C3orf52: variants seen among roughly 807,000 people sequenced by gnomAD.
C3orf52 encodes the protein chromosome 3 open reading frame 52.
Under a neutral mutation model 24.8 loss-of-function variants are expected in C3orf52, and 22 were observed. The ratio of observed to expected loss-of-function variants is 0.89; its 90% CI spans 0.63 to 1.27. The LOEUF is 1.27. Ranked by LOEUF, C3orf52 falls within the 50% of genes most tolerant of loss-of-function variation. C3orf52 has a pLI of 0.00. For synonymous variants in C3orf52, 93 were observed against 100.2 expected, an observed-to-expected ratio of 0.93 and a Z score of 0.43; for missense variants, 265 against 260.7, an observed-to-expected ratio of 1.02 and a Z score of -0.11.
At chr3:112,088,605 TG>T in intron 1 of C3orf52, among the ~76,000 whole-genome samples, 1 of 151,960 alleles carries the variant, frequency 6.6e-6, no homozygotes, top group South Asian at 2.1e-4. Context: ...GTGGTGCCTC[TG>T]AAGCTTGAAC....
At chr3:112,105,143 T>C (rs2074011499) in intron 3 of C3orf52, among the ~76,000 whole-genome samples, 2 of 152,242 alleles carry the variant, frequency 1.3e-5, no homozygotes, top group Admixed American at 6.5e-5. Flanking sequence ...GGGACTGACA[T>C]TGATGCCTGT....
downstream of C3orf52, chr3:112,130,475 C>T (rs747861136): frequency 1.9e-6 from 3 of 1,614,040 alleles, no homozygotes; most frequent in South Asian, 2.2e-5. Context: ...GCTTTGCATT[C>T]TCACATTCCA....
At chr3:112,097,855 CCTCT>C (rs2073939299) in intron 2 of C3orf52, among the ~76,000 whole-genome samples, 1 of 152,194 alleles carries the variant, frequency 6.6e-6, no homozygotes. Context: ...GATATCTCCT[CCTCT>C]CTCTAAGCAT....
intron 4 of C3orf52, chr3:112,125,196 C>CA: frequency 1.3e-6 from 2 of 1,487,524 alleles, no homozygotes; most frequent in South Asian, 1.1e-5. Context: ...ATCATCATCT[C>CA]AAAAAATAGC....
intron 4 of C3orf52, chr3:112,128,090 A>G (rs1295794568): frequency 6.2e-7 from 1 of 1,606,362 alleles, no homozygotes; most frequent in Non-Finnish European, 8.5e-7. Context: ...ATGGCAAATC[A>G]TAAGGTTGAT....
chr3:112,123,827 C>A, intron 4 of C3orf52: 1 of 1,555,522 alleles, frequency 6.4e-7, no homozygotes. Context: ...ATGACCTTTA[C>A]ATTTCAGTCT....
chr3:112,129,060 G>T (rs2074393701), downstream of C3orf52: 1 of 152,190 alleles, frequency 6.6e-6, no homozygotes, highest in Admixed American at 6.5e-5. Context: ...TAAGATCTAT[G>T]CATCATCAAA....
chr3:112,096,051 A>G (rs1235848573), intron 2 of C3orf52, among the ~76,000 whole-genome samples: 1 of 152,156 alleles, frequency 6.6e-6, no homozygotes, highest in Non-Finnish European at 1.5e-5. Context: ...CTGGGTGACT[A>G]AGGTTCCTCA....
intron 1 of C3orf52, among the ~76,000 whole-genome samples, chr3:112,093,122 C>G (rs1334757565): frequency 6.6e-6 from 1 of 152,198 alleles, no homozygotes; most frequent in Admixed American, 6.5e-5. Flanking sequence ...AAAAATCCAT[C>G]TTTCAAAATC....
At chr3:112,101,954 T>C (rs2073975401) in intron 2 of C3orf52, among the ~76,000 whole-genome samples, 1 of 152,174 alleles carries the variant, frequency 6.6e-6, no homozygotes, top group Admixed American at 6.5e-5. Context: ...TAGTTCCAAC[T>C]ACTTAAAAAT....
chr3:112,089,037 C>T (rs749188356), intron 1 of C3orf52, among the ~76,000 whole-genome samples: 1 of 152,164 alleles, frequency 6.6e-6, no homozygotes, highest in African/African-American at 2.4e-5. Flanking sequence ...ACTTTGCCTG[C>T]TGTCACTGTA....
intron 3 of C3orf52, among the ~76,000 whole-genome samples, chr3:112,107,693 T>C (rs1184639506): frequency 1.3e-5 from 2 of 152,224 alleles, no homozygotes; most frequent in South Asian, 2.1e-4. Flanking sequence ...CTTCATCTCA[T>C]GGAATGGAGT....
intron 2 of C3orf52, 81 bp from the exon 3 acceptor site, chr3:112,102,757 A>C: frequency 2.4e-6 from 3 of 1,251,104 alleles, no homozygotes; most frequent in Non-Finnish European, 3.3e-6. Flanking sequence ...TAAGTATGGC[A>C]GTCAATGGAA....
At chr3:112,124,941 G>T (rs191422580) in intron 4 of C3orf52, among the ~76,000 whole-genome samples, 1 of 152,192 alleles carries the variant, frequency 6.6e-6, no homozygotes, top group Non-Finnish European at 1.5e-5. Flanking sequence ...AAGGGTTGTC[G>T]TTTTAGCTAC....
intron 4 of C3orf52, chr3:112,127,882 T>G: frequency 4.4e-6 from 3 of 684,672 alleles, no homozygotes; most frequent in South Asian, 3.5e-5. Flanking sequence ...CTTCCCTGAT[T>G]AACTCTTAGG....
chr3:112,087,431 C>G (rs1046632848), intron 1 of C3orf52, among the ~76,000 whole-genome samples: 1 of 152,112 alleles, frequency 6.6e-6, no homozygotes, highest in African/African-American at 2.4e-5. Flanking sequence ...TGATTAACTC[C>G]TAAGATTGGC....
At chr3:112,087,907 G>A (rs373161847) in intron 1 of C3orf52, among the ~76,000 whole-genome samples, 106 of 152,332 alleles carry the variant, frequency 7.0e-4, no homozygotes, top group African/African-American at 2.5e-3. Context: ...CCAGAGGCAA[G>A]CCTGTCCCGT....
chr3:112,134,451 G>A (rs2172315), downstream of C3orf52: 43,346 of 152,076 alleles, frequency 0.29, 6,344 homozygotes, highest in East Asian at 0.36. Context: ...CCTGGCACCC[G>A]CTTGCCTGCG....
intron 3 of C3orf52, among the ~76,000 whole-genome samples, chr3:112,104,536 C>T (rs1182468518): frequency 6.6e-6 from 1 of 152,186 alleles, no homozygotes; most frequent in Non-Finnish European, 1.5e-5. Flanking sequence ...CTTCTTTTAT[C>T]ACAGGAGTTG....
Sources: gnomAD v4.1 joint callset for allele counts (sites outside exome capture counted in the v4.1 genomes callset) on GRCh38, gnomAD v4.1.1 for gene constraint, MANE v1.5 for transcripts, NCBI Gene and HGNC (gene_info 2026-07-23, HGNC 2026-07-21) for gene names.